VIT: variants seen among roughly 807,000 people sequenced by gnomAD.
The protein encoded by VIT is vitrin.
Under a neutral mutation model 78.0 loss-of-function variants are expected in VIT, and 99 were observed. The ratio of observed to expected loss-of-function variants is 1.27; its 90% CI spans 1.08 to 1.50. VIT has a LOEUF of 1.50. Ranked by LOEUF, VIT falls within the 40% of genes most tolerant of loss-of-function variation. The probability of loss-of-function intolerance (pLI) is 0.00; values close to 1 mark genes in which losing one functional copy is unlikely to be tolerated. For synonymous variants in VIT, 374 were observed against 334.3 expected, an observed-to-expected ratio of 1.12 and a Z score of -1.29; for missense variants, 1,126 against 875.3, an observed-to-expected ratio of 1.29 and a Z score of -3.61.
chr2:36,795,392 TTTTATATTTTA>T (rs1665817345), intron 12 of VIT, among the ~76,000 whole-genome samples: 3 of 150,162 alleles, frequency 2.0e-5, no homozygotes, highest in Non-Finnish European at 4.4e-5. Flanking sequence ...TTATATTTTA[TTTTATATTTTA>T]TTTATTTTAT....
chr2:36,712,103 T>C lies in VIT; in HGVS notation c.-18-4250T>C, dbSNP rs192462038. 3.2e-3 allele frequency among the ~76,000 whole-genome samples: 484 copies of C among 152,242 alleles called. 3 individuals carry two copies. Among genetic ancestry groups the C allele is most frequent in the Middle Eastern group, 0.014 (4 of 294 alleles). The stretch of plus-strand genomic sequence containing the variant: ...TGCAGAAACTGCTTAATGGTGCTGG[T>C]GGCAGTCCTCATGCTCAGCCTTGGC... On this transcript the variant is annotated intron_variant, in intron 1 of 15. Coordinates refer to ENST00000379242, the MANE Select transcript of VIT (RefSeq NM_053276.4).
chr2:36,779,569 C>T (rs1222730151), intron 9 of VIT, among the ~76,000 whole-genome samples: 1 of 152,126 alleles, frequency 6.6e-6, no homozygotes, highest in African/African-American at 2.4e-5. Context: ...ATCCGATCAC[C>T]TAGGTATTAA....
At chr2:36,748,579 C>T (rs1436607939) in intron 4 of VIT, among the ~76,000 whole-genome samples, 1 of 152,068 alleles carries the variant, frequency 6.6e-6, no homozygotes, top group Non-Finnish European at 1.5e-5. Context: ...TTTTTCAATC[C>T]CAGAAGTTCA....
intron 2 of VIT, among the ~76,000 whole-genome samples, chr2:36,719,482 G>A (rs1482048127): frequency 6.6e-6 from 1 of 152,122 alleles, no homozygotes; most frequent in Admixed American, 6.5e-5. Flanking sequence ...ATTCAGTAAA[G>A]TTATAGAATA....
chr2:36,707,614 G>C (rs929153414), intron 1 of VIT, among the ~76,000 whole-genome samples: 1 of 152,144 alleles, frequency 6.6e-6, no homozygotes, highest in Non-Finnish European at 1.5e-5. Flanking sequence ...GGATGGACCC[G>C]CTTCCTCTCA....
intron 15 of VIT, among the ~76,000 whole-genome samples, chr2:36,809,990 CAAA>C (rs36123287): frequency 2.0e-5 from 2 of 100,764 alleles, no homozygotes; most frequent in Admixed American, 1.0e-4. Context: ...GATCCTGTCT[CAAA>C]AAAAAAAAAA....
intron 10 of VIT, among the ~76,000 whole-genome samples, 189 bp downstream of exon 10, chr2:36,781,960 G>T (rs1478141426): frequency 2.0e-5 from 3 of 152,122 alleles, no homozygotes; most frequent in Non-Finnish European, 4.4e-5. Context: ...GAGGCCTGGG[G>T]TAAGGGGCAA....
chr2:36,800,310 A>C (rs1021898278), intron 12 of VIT, among the ~76,000 whole-genome samples: 1 of 152,112 alleles, frequency 6.6e-6, no homozygotes, highest in South Asian at 2.1e-4. Context: ...GCGCCACTGC[A>C]CTCCAGCCTG....
At chr2:36,794,808 C>A (rs1413974132) in intron 12 of VIT, among the ~76,000 whole-genome samples, 1 of 152,118 alleles carries the variant, frequency 6.6e-6, no homozygotes, top group Non-Finnish European at 1.5e-5. Flanking sequence ...AGGTTCTGTT[C>A]TTTAGGACCT....
intron 4 of VIT, among the ~76,000 whole-genome samples, chr2:36,753,251 T>G (rs1226490655): frequency 6.6e-6 from 1 of 151,884 alleles, no homozygotes; most frequent in Non-Finnish European, 1.5e-5. Context: ...GAATAACTAA[T>G]GGATGCTGGG....
intron 2 of VIT, among the ~76,000 whole-genome samples, chr2:36,717,704 G>A (rs1204991905): frequency 1.3e-5 from 2 of 152,182 alleles, no homozygotes; most frequent in Admixed American, 1.3e-4. Flanking sequence ...TGCCTTATCA[G>A]GTAGAGTAAC....
intron 6 of VIT, among the ~76,000 whole-genome samples, chr2:36,762,003 G>T (rs570168071): frequency 2.0e-5 from 3 of 152,128 alleles, no homozygotes; most frequent in African/African-American, 4.8e-5. Flanking sequence ...ATGCAAACTC[G>T]GTATCACCTT....
At position 36,737,221 on chromosome 2, in the gene VIT, C is replaced by A. The variant is rs572589458; in HGVS notation, c.119-5879C>A. Among the ~76,000 whole-genome samples, 45 of 152,202 alleles carry A rather than the reference C, an allele frequency of 3.0e-4. 1 individual carries two copies. The East Asian group carries it at 4.8e-3, about 16-fold the overall frequency. On this transcript the variant is annotated intron_variant, in intron 3 of 15. Coordinates refer to ENST00000379242, the MANE Select transcript of VIT (RefSeq NM_053276.4). ...GGGCTTTCTAGGTGGACTAAGCCCA[C>A]ATACCATGGAAAACAAGTGGAGGAT...
chr2:36,795,372 TTATTTTATTTTA>T (rs1464504554), intron 12 of VIT, among the ~76,000 whole-genome samples: 31 of 90,172 alleles, frequency 3.4e-4, no homozygotes, highest in African/African-American at 5.7e-4. Context: ...TTTATTTATT[TTATTTTATTTTA>T]TATTTTATTT....
chr2:36,801,926 G>C (rs1666362335), intron 13 of VIT, among the ~76,000 whole-genome samples: 1 of 152,184 alleles, frequency 6.6e-6, no homozygotes, highest in African/African-American at 2.4e-5. Context: ...GCATTCTTCA[G>C]GGCAATCAAG....
At position 36,767,212 on chromosome 2, in the gene VIT, G is replaced by T. The variant is rs755436605; in HGVS notation, c.606G>T (p.Arg202Ser). ...VAVATPTTLP[R>S]PSPSAASTTS... is the part of the protein sequence containing the mutation. Reference sequence around the variant, plus strand: ...TGGCCACCCCCACCACCTTGCCAAGGCCATCCCCTTCTGCTGCTTCTACCA... The same window carrying T: ...TGGCCACCCCCACCACCTTGCCAAGTCCATCCCCTTCTGCTGCTTCTACCA... The change falls in exon 7 of 16, where the codon AGG becomes AGT. Residue 202 changes from arginine (R) to serine (S), a missense_variant. Physicochemically the swap from Arg to Ser is moderately radical, Grantham distance 110 (BLOSUM62 -1). Coordinates refer to ENST00000379242, the MANE Select transcript of VIT (RefSeq NM_053276.4). The T allele has an allele frequency of 1.7e-5, 27 of 1,608,212 alleles. No homozygotes were observed. The highest frequency in any genetic ancestry group is 2.2e-5 in the Non-Finnish European group (26 of 1,177,654).
chr2:36,708,417 C>T (rs1665587281), intron 1 of VIT, among the ~76,000 whole-genome samples: 1 of 152,204 alleles, frequency 6.6e-6, no homozygotes, highest in Admixed American at 6.5e-5. Flanking sequence ...ACCAACATTA[C>T]ATAAATCCTA....
At chr2:36,781,865 G>T (rs1386026023) in intron 10 of VIT, 94 bp downstream of exon 10, 1 of 1,470,792 alleles carries the variant, frequency 6.8e-7, no homozygotes, top group Non-Finnish European at 9.5e-7. Flanking sequence ...CATAGCGGCC[G>T]AGCTCCACTA....
chr2:36,794,607 A>G (rs1290763204), intron 12 of VIT, among the ~76,000 whole-genome samples: 1 of 152,218 alleles, frequency 6.6e-6, no homozygotes, highest in Non-Finnish European at 1.5e-5. Context: ...TTTGCCATGT[A>G]CTGCGCCCTT....
Sources: allele counts gnomAD v4.1 joint callset (sites outside exome capture counted in the v4.1 genomes callset), GRCh38; gene constraint gnomAD v4.1.1; transcripts MANE v1.5; gene names NCBI Gene and HGNC (gene_info 2026-07-23, HGNC 2026-07-21).